Variants in ADAM10 observed in about 807,000 individuals in gnomAD.
ADAM10 encodes ADAM metallopeptidase domain 10.
Under a neutral mutation model 90.1 loss-of-function variants are expected in ADAM10, and 17 were observed. That is an observed-to-expected ratio of 0.19 (90% confidence interval 0.13 to 0.28). The LOEUF (loss-of-function observed/expected upper bound fraction) is 0.28, where lower values mean the gene tolerates loss of function less well. Among genes scored for constraint, ADAM10 ranks in the 10% least tolerant of loss-of-function variants. The pLI is 1.00. For missense variants in ADAM10, 610 were observed against 914.3 expected, an observed-to-expected ratio of 0.67 and a Z score of 4.29; for synonymous variants, 310 against 298.6, an observed-to-expected ratio of 1.04 and a Z score of -0.40.
chr15:58,623,983 A>T (rs1208991694), intron 10 of ADAM10, among the ~76,000 whole-genome samples: 1 of 71,124 alleles, frequency 1.4e-5, no homozygotes, highest in Non-Finnish European at 2.5e-5. Flanking sequence ...AGTGAAATTT[A>T]AAAAAAAAAA....
In ADAM10 at chr15:58,648,662, TTTA is replaced by T. The variant is rs564476157; in HGVS notation, c.586-2461_586-2459del. 8.9e-4 allele frequency among the ~76,000 whole-genome samples: 135 copies of T among 152,284 alleles called. 1 individual carries two copies. Among genetic ancestry groups the T allele is most frequent in the African/African-American group, 3.2e-3 (132 of 41,568 alleles). Reference sequence around the variant, plus strand: ...CAGCTCTCCCATATCTTCACTGGGTTTTATTTTTTGTACAACTGTTCTCTTATT... The same window carrying T: ...CAGCTCTCCCATATCTTCACTGGGTTTTTTTTGTACAACTGTTCTCTTATT... On this transcript the variant is annotated intron_variant, in intron 5 of 15. Transcript: ENST00000260408.
chr15:58,709,607 G>T (rs1221289605), intron 2 of ADAM10, among the ~76,000 whole-genome samples: 1 of 152,066 alleles, frequency 6.6e-6, no homozygotes. Context: ...AGGTGTCGTG[G>T]TGCACACCTG....
intron 8 of ADAM10, among the ~76,000 whole-genome samples, chr15:58,640,204 G>C (rs1175252393): frequency 1.3e-5 from 2 of 152,190 alleles, no homozygotes; most frequent in African/African-American, 4.8e-5. Flanking sequence ...ATGAACCCAG[G>C]TGATGATGTC....
chr15:58,734,890 GTGAT>G (rs1899377364), intron 1 of ADAM10, among the ~76,000 whole-genome samples: 2 of 152,128 alleles, frequency 1.3e-5, no homozygotes, highest in African/African-American at 4.8e-5. Context: ...TCCACAGCTA[GTGAT>G]TGAAATGGGC....
chr15:58,607,817 T>C (rs547198327), intron 14 of ADAM10, among the ~76,000 whole-genome samples: 278 of 152,202 alleles, frequency 1.8e-3, no homozygotes, highest in Non-Finnish European at 3.2e-3. Flanking sequence ...AGGTAAGAGG[T>C]AGTTTTCTAC....
At chr15:58,659,877 C>T (rs1896927094) in intron 5 of ADAM10, among the ~76,000 whole-genome samples, 1 of 152,108 alleles carries the variant, frequency 6.6e-6, no homozygotes, top group African/African-American at 2.4e-5. Flanking sequence ...TACAGGCGTC[C>T]GCCACCACAC....
intron 2 of ADAM10, among the ~76,000 whole-genome samples, chr15:58,706,143 A>T (rs1279363959): frequency 1.3e-5 from 2 of 152,206 alleles, no homozygotes; most frequent in African/African-American, 4.8e-5. Flanking sequence ...GAAGAAAACA[A>T]AATACAGGGT....
chr15:58,695,975 T>C (rs11853494), intron 2 of ADAM10, among the ~76,000 whole-genome samples: 1 of 150,922 alleles, frequency 6.6e-6, no homozygotes, highest in East Asian at 1.9e-4. Context: ...AATGAGCCGG[T>C]TGTGATGATA....
At position 58,595,926 on chromosome 15, in the gene ADAM10, C is replaced by T. The variant is rs1894938204; in HGVS notation, c.*1621G>A. On this transcript the variant is annotated 3_prime_UTR_variant, in exon 16 of 16. Coordinates refer to ENST00000260408, the MANE Select transcript of ADAM10 (RefSeq NM_001110.4). ...TATAGTCTATCTGGGGTTTCATGTA[C>T]AAAATTTGTCTCTAAATCATGTACA... The T allele has an allele frequency of 6.6e-6, 1 of 151,952 alleles. No individual in the cohort carries two copies. The highest frequency in any genetic ancestry group is 2.4e-5 in the African/African-American group (1 of 41,370). The allele number at this position is 151,952 out of a possible 1,614,324, so 9.4% of individuals were successfully genotyped here. A position where few individuals can be genotyped will look rare whatever the true frequency, so the allele number is the denominator to read the frequency against.
At chr15:58,709,973 T>C (rs1334246371) in intron 2 of ADAM10, among the ~76,000 whole-genome samples, 3 of 152,098 alleles carry the variant, frequency 2.0e-5, no homozygotes. Context: ...AGGTAAGGCC[T>C]GGTTAGTGCT....
chr15:58,633,276 G>C lies in ADAM10; in HGVS notation c.1096C>G (p.Gln366Glu). Residue 366 changes from glutamine to glutamate, a missense_variant, in exon 9 of 16, where the codon CAG becomes GAG. Gln to Glu is a conservative substitution (Grantham distance 29). Transcript: ENST00000260408. Reference protein sequence around the residue: ...KSLNTGIITVQNYGSHVPPKV... With the variant: ...KSLNTGIITVENYGSHVPPKV... ...GGAGGTACATGAGACCCATAGTTCT[G>C]AACAGTAATAATTCCAGTGTTTAAG... The C allele has an allele frequency of 6.2e-7, 1 of 1,612,992 alleles. No homozygotes were observed. The highest frequency in any genetic ancestry group is 8.5e-7 in the Non-Finnish European group (1 of 1,179,134).
chr15:58,724,443 A>G (rs1340847076), intron 1 of ADAM10, among the ~76,000 whole-genome samples: 1 of 152,252 alleles, frequency 6.6e-6, no homozygotes, highest in East Asian at 1.9e-4. Flanking sequence ...AAAACTAGAT[A>G]AAAGATGTGA....
At chr15:58,721,978 A>C (rs2140823345) in intron 1 of ADAM10, among the ~76,000 whole-genome samples, 1 of 152,232 alleles carries the variant, frequency 6.6e-6, no homozygotes, top group South Asian at 2.1e-4. Context: ...CGGTGAGCCA[A>C]AACCGCACCA....
intron 2 of ADAM10, among the ~76,000 whole-genome samples, chr15:58,709,353 G>A (rs1471300451): frequency 6.6e-6 from 1 of 152,098 alleles, no homozygotes; most frequent in Non-Finnish European, 1.5e-5. Context: ...ACATAATTAA[G>A]AAAAACAATA....
chr15:58,689,868 C>G (rs1246850026), intron 2 of ADAM10, among the ~76,000 whole-genome samples: 1 of 147,904 alleles, frequency 6.8e-6, no homozygotes, highest in African/African-American at 2.5e-5. Flanking sequence ...TCCTATAAAA[C>G]TATTTTAAGA....
At chr15:58,679,370 A>T in intron 3 of ADAM10, 88 bp from the exon 4 acceptor site, 1 of 1,130,848 alleles carries the variant, frequency 8.8e-7, no homozygotes, top group Non-Finnish European at 1.3e-6. Context: ...GTGTGTATAT[A>T]TATACACACA....
Position 58,621,589 on chromosome 15 carries a change from C to T in ADAM10, c.1393G>A (p.Val465Ile), listed in dbSNP as rs1895788660. ...SGQPICGNGMVEQGEECDCGY... is the reference protein window; with the variant it reads ...SGQPICGNGMIEQGEECDCGY... ...CAATCACATTCTTCACCTTGTTCTA[C>T]CATTCCATTTCCACAAATAGGTTGG... The change falls in exon 11 of 16, where the codon GTA becomes ATA. Residue 465 changes from valine (V) to isoleucine (I), a missense_variant. Val to Ile is a conservative substitution (Grantham distance 29, BLOSUM62 3). This residue lies in a region of ADAM10 where 97 missense variants were observed against 221.4 expected (regional missense o/e 0.44). Coordinates refer to ENST00000260408, the MANE Select transcript of ADAM10 (RefSeq NM_001110.4). The T allele has an allele frequency of 1.9e-6, 3 of 1,614,084 alleles. No individual in the cohort carries two copies. The highest frequency in any genetic ancestry group is 2.5e-6 in the Non-Finnish European group (3 of 1,180,016).
chr15:58,692,868 AGTAC>A, intron 2 of ADAM10: 1 of 675,366 alleles, frequency 1.5e-6, no homozygotes, highest in South Asian at 1.4e-5. Context: ...TAAATGCTTC[AGTAC>A]CAGACTTGGC....
chr15:58,655,650 T>C (rs1404155902), intron 5 of ADAM10, among the ~76,000 whole-genome samples: 2 of 85,954 alleles, frequency 2.3e-5, no homozygotes, highest in African/African-American at 1.7e-4. Context: ...ACTGATCCCT[T>C]TGCATACATA....
Sources: gnomAD v4.1 joint callset for allele counts (sites outside exome capture counted in the v4.1 genomes callset) on GRCh38, gnomAD v4.1.1 for gene constraint, gnomAD v4.1.1 regional missense constraint, MANE v1.5 for transcripts, NCBI Gene and HGNC (gene_info 2026-07-23, HGNC 2026-07-21) for gene names.